The following HECW2 variants were observed in gnomAD, a reference collection of about 807,000 sequenced individuals.
HECW2 encodes HECT, C2 and WW domain containing E3 ubiquitin protein ligase 2.
A neutral mutation model predicts 175.2 loss-of-function variants in HECW2; 61 were observed. That is an observed-to-expected ratio of 0.35 (90% CI 0.28 to 0.43). HECW2 has a LOEUF of 0.43. Among genes scored for constraint, HECW2 ranks in the 20% least tolerant of loss-of-function variants. The probability of loss-of-function intolerance (pLI) is 1.00; values close to 1 mark genes in which losing one functional copy is unlikely to be tolerated. For synonymous variants in HECW2, 671 were observed against 731.0 expected (o/e 0.92, Z 1.32); for missense variants, 1,524 against 2,000.5 (o/e 0.76, Z 4.54).
intron 2 of HECW2, among the ~76,000 whole-genome samples, chr2:196,431,355 G>A (rs973665722): frequency 2.0e-5 from 3 of 152,150 alleles, no homozygotes; most frequent in Non-Finnish European, 4.4e-5. Context: ...GGGAAATAAA[G>A]CAAGTGTGTG....
intron 1 of HECW2, among the ~76,000 whole-genome samples, chr2:196,492,141 G>A (rs1687220463): frequency 6.6e-6 from 1 of 152,152 alleles, no homozygotes; most frequent in South Asian, 2.1e-4. Context: ...ATGTTGCAAT[G>A]TAAATAGAGA....
intron 2 of HECW2, among the ~76,000 whole-genome samples, chr2:196,345,846 T>C (rs1009674387): frequency 6.6e-6 from 1 of 152,230 alleles, no homozygotes; most frequent in African/African-American, 2.4e-5. Context: ...ATACTTTAAT[T>C]AGCAGAGCTG....
intron 1 of HECW2, among the ~76,000 whole-genome samples, chr2:196,471,847 GA>G (rs1479696824): frequency 6.6e-6 from 1 of 151,654 alleles, no homozygotes; most frequent in Non-Finnish European, 1.5e-5. Flanking sequence ...GAGAGGATCA[GA>G]AAAAACAACT....
chr2:196,501,916 C>T (rs1687590151), intron 1 of HECW2, among the ~76,000 whole-genome samples: 1 of 151,998 alleles, frequency 6.6e-6, no homozygotes, highest in Non-Finnish European at 1.5e-5. Context: ...TCATTTATTC[C>T]CAAAAAGGAA....
chr2:196,560,057 G>A (rs1159926854), intron 1 of HECW2, among the ~76,000 whole-genome samples: 1 of 152,170 alleles, frequency 6.6e-6, no homozygotes, highest in Non-Finnish European at 1.5e-5. Flanking sequence ...CCTGGAGATG[G>A]TGTCAAAATG....
Position 196,499,692 on chromosome 2 carries a change from G to A in HECW2, c.-35-66234C>T, listed in dbSNP as rs78723579. Among the ~76,000 whole-genome samples the A allele has an allele frequency of 1.5e-3, 231 of 152,118 alleles. 1 individual carries two copies. Among genetic ancestry groups the A allele is most frequent in the African/African-American group, 4.9e-3 (202 of 41,510 alleles). On this transcript the variant is annotated intron_variant, in intron 1 of 28. Transcript: ENST00000644978. ...AATTAAATTCTGGGACTTAATTCTCGCTCTAAGACTTGACAATGCATTAAA... is the reference window on the plus strand; with the variant it reads ...AATTAAATTCTGGGACTTAATTCTCACTCTAAGACTTGACAATGCATTAAA...
intron 2 of HECW2, among the ~76,000 whole-genome samples, chr2:196,354,346 C>T (rs1311923231): frequency 6.6e-6 from 1 of 152,230 alleles, no homozygotes; most frequent in Non-Finnish European, 1.5e-5. Context: ...ATGGAGCCTG[C>T]TGCTGTACCA....
At chr2:196,408,919 G>T (rs549189225) in intron 2 of HECW2, among the ~76,000 whole-genome samples, 11 of 152,266 alleles carry the variant, frequency 7.2e-5, no homozygotes, top group African/African-American at 2.4e-4. Flanking sequence ...CAAAAGGTTG[G>T]TCACTGATAT....
intron 18 of HECW2, among the ~76,000 whole-genome samples, chr2:196,257,074 G>A (rs1333160904): frequency 6.6e-6 from 1 of 152,236 alleles, no homozygotes; most frequent in Non-Finnish European, 1.5e-5. Context: ...TGCCTGAAAG[G>A]CTCAGTATGC....
intron 21 of HECW2, among the ~76,000 whole-genome samples, chr2:196,229,296 A>G (rs1384586965): frequency 1.3e-5 from 2 of 150,238 alleles, no homozygotes; most frequent in Non-Finnish European, 3.0e-5. Context: ...TTTTGTGGGC[A>G]TCATTGCATT....
At chr2:196,231,640 T>C (rs1393153579) in intron 21 of HECW2, among the ~76,000 whole-genome samples, 1 of 152,234 alleles carries the variant, frequency 6.6e-6, no homozygotes, top group East Asian at 1.9e-4. Flanking sequence ...AGGAAAATTT[T>C]GCTAACCTCT....
At chr2:196,257,271 G>C (rs185889825) in intron 18 of HECW2, among the ~76,000 whole-genome samples, 2 of 126,176 alleles carry the variant, frequency 1.6e-5, no homozygotes, top group East Asian at 3.9e-4. Flanking sequence ...TTTAACCATT[G>C]GAGGGTGAGG....
At chr2:196,547,591 T>C (rs755472413) in intron 1 of HECW2, among the ~76,000 whole-genome samples, 3 of 152,194 alleles carry the variant, frequency 2.0e-5, no homozygotes, top group East Asian at 1.9e-4. Context: ...ACTAGTGGTG[T>C]GTATTAGTTG....
At chr2:196,507,176 T>TACACACACACTAATACGTGTATATTAC (rs1553528227) in intron 1 of HECW2, among the ~76,000 whole-genome samples, 16 of 151,368 alleles carry the variant, frequency 1.1e-4, no homozygotes, top group Admixed American at 9.9e-4. Flanking sequence ...ATGTGTATAT[T>TACACACACACTAATACGTGTATATTAC]ACACACACTA....
At chr2:196,496,232 T>C (rs1559143160) in intron 1 of HECW2, among the ~76,000 whole-genome samples, 1 of 152,080 alleles carries the variant, frequency 6.6e-6, no homozygotes, top group Non-Finnish European at 1.5e-5. Context: ...TGTGTGTGTG[T>C]GCAGGTGTGT....
chr2:196,260,888 A>C (rs1689263099), intron 17 of HECW2, among the ~76,000 whole-genome samples: 1 of 152,210 alleles, frequency 6.6e-6, no homozygotes, highest in Admixed American at 6.5e-5. Flanking sequence ...AGAATTTTTA[A>C]ATTTTGTGTC....
chr2:196,403,563 A>G (rs1311226128), intron 2 of HECW2, among the ~76,000 whole-genome samples: 1 of 152,258 alleles, frequency 6.6e-6, no homozygotes, highest in African/African-American at 2.4e-5. Flanking sequence ...CAAAGTACTC[A>G]GTGGCTTACA....
intron 2 of HECW2, among the ~76,000 whole-genome samples, chr2:196,393,635 A>G (rs1247469293): frequency 1.3e-5 from 2 of 152,260 alleles, no homozygotes; most frequent in African/African-American, 2.4e-5. Flanking sequence ...AATGGAGATC[A>G]TTAAAAAGTC....
At chr2:196,457,039 T>G (rs1696539804) in intron 1 of HECW2, among the ~76,000 whole-genome samples, 1 of 152,164 alleles carries the variant, frequency 6.6e-6, no homozygotes, top group East Asian at 1.9e-4. Flanking sequence ...AGAAGGAGCA[T>G]CCAAATTAAG....
Sources: gnomAD v4.1 joint callset for allele counts (sites outside exome capture counted in the v4.1 genomes callset) on GRCh38, gnomAD v4.1.1 for gene constraint, MANE v1.5 for transcripts, NCBI Gene and HGNC (gene_info 2026-07-23, HGNC 2026-07-21) for gene names.